Variants in TANGO6 observed in about 807,000 individuals in gnomAD.
The protein encoded by TANGO6 is transport and golgi organization 6 homolog, also known as transport and Golgi organization protein 6 homolog.
In TANGO6, 90 loss-of-function variants were observed where a neutral mutation model predicts 114.2. The observed-to-expected ratio is 0.79, with a 90% CI of 0.66 to 0.94. The LOEUF (loss-of-function observed/expected upper bound fraction) is 0.94. TANGO6 is among the 40% of genes least tolerant of loss of function. The pLI is 0.00. For missense variants in TANGO6, 1,274 were observed against 1,315.3 expected, an observed-to-expected ratio of 0.97 and a Z score of 0.49; for synonymous variants, 477 against 509.8, an observed-to-expected ratio of 0.94 and a Z score of 0.87.
At chr16:69,051,709 CCAGG>C (rs1293503631) in intron 17 of TANGO6, among the ~76,000 whole-genome samples, 4 of 150,882 alleles carry the variant, frequency 2.7e-5, no homozygotes, top group African/African-American at 9.7e-5. Flanking sequence ...CAAAAATTAG[CCAGG>C]CATGCGCCTG....
chr16:68,915,192 A>AT (rs1491550955), intron 11 of TANGO6, among the ~76,000 whole-genome samples: 1 of 149,652 alleles, frequency 6.7e-6, no homozygotes, highest in Admixed American at 6.7e-5. Context: ...AAAAAAAAAA[A>AT]GTGGAGAGGA....
intron 1 of TANGO6, among the ~76,000 whole-genome samples, chr16:68,856,388 C>T (rs1200406715): frequency 3.9e-5 from 6 of 152,204 alleles, no homozygotes; most frequent in Admixed American, 3.9e-4. Flanking sequence ...AGATGAATCA[C>T]ACTGATTGAG....
At chr16:68,847,143 G>C (rs551812790) in intron 1 of TANGO6, among the ~76,000 whole-genome samples, 1 of 152,258 alleles carries the variant, frequency 6.6e-6, no homozygotes, top group South Asian at 2.1e-4. Context: ...GCCCACCTCA[G>C]CCTCCCAAAG....
At chr16:69,033,357 G>A (rs931435789) in intron 16 of TANGO6, among the ~76,000 whole-genome samples, 3 of 152,114 alleles carry the variant, frequency 2.0e-5, no homozygotes, top group East Asian at 1.9e-4. Flanking sequence ...ATTCTCCTTC[G>A]TGAGCATCTG....
intron 3 of TANGO6, 115 bp downstream of exon 3, chr16:68,863,176 T>A: frequency 1.8e-6 from 1 of 552,278 alleles, no homozygotes; most frequent in Non-Finnish European, 3.1e-6. Context: ...TAGTTGAGCC[T>A]TTTTTCATCT....
chr16:69,009,739 A>G (rs542433023), intron 15 of TANGO6, among the ~76,000 whole-genome samples: 38 of 152,156 alleles, frequency 2.5e-4, no homozygotes, highest in Non-Finnish European at 5.6e-4. Flanking sequence ...TTTTCAGAGT[A>G]TATGTTGCAC....
At chr16:68,960,900 G>A (rs1349240481) in intron 14 of TANGO6, among the ~76,000 whole-genome samples, 1 of 152,180 alleles carries the variant, frequency 6.6e-6, no homozygotes, top group Non-Finnish European at 1.5e-5. Flanking sequence ...AGGTGTTTGA[G>A]AATCACTGGT....
At chr16:68,935,920 C>G (rs1314725248) in intron 14 of TANGO6, among the ~76,000 whole-genome samples, 1 of 152,158 alleles carries the variant, frequency 6.6e-6, no homozygotes, top group Non-Finnish European at 1.5e-5. Context: ...GTGACTCATG[C>G]CTGTAATCCC....
At chr16:68,990,369 A>T (rs1262770541) in intron 15 of TANGO6, among the ~76,000 whole-genome samples, 1 of 152,188 alleles carries the variant, frequency 6.6e-6, no homozygotes, top group Non-Finnish European at 1.5e-5. Context: ...AGGTAAAGAG[A>T]GAATGAGAAC....
Position 68,958,157 on chromosome 16 carries a change from G to A in TANGO6, c.2702-15871G>A, listed in dbSNP as rs553142450. 8.6e-5 allele frequency among the ~76,000 whole-genome samples: 13 copies of A among 150,902 alleles called. No individual in the cohort carries two copies. The South Asian group carries it at 2.3e-3, about 27-fold the overall frequency. On this transcript the variant is annotated intron_variant, in intron 14 of 17. Transcript: ENST00000261778. ...TTGCACTCCAGCCTGGGCAAGAAGA[G>A]GGAAACTCCATCTCAAAAAAAAAAA...
At chr16:69,070,746 A>ATAT (rs145226838) in intron 17 of TANGO6, among the ~76,000 whole-genome samples, 8,981 of 141,658 alleles carry the variant, frequency 0.063, 313 homozygotes, top group African/African-American at 0.094. Flanking sequence ...GCAAGAATCA[A>ATAT]TATTATTATT....
chr16:69,075,399 T>A (rs1960359417), intron 17 of TANGO6, among the ~76,000 whole-genome samples: 2 of 152,128 alleles, frequency 1.3e-5, no homozygotes, highest in African/African-American at 4.8e-5. Flanking sequence ...CACATGCATA[T>A]GTATTTCCTT....
chr16:69,010,787 G>A (rs1241957863), intron 15 of TANGO6, among the ~76,000 whole-genome samples: 1 of 152,062 alleles, frequency 6.6e-6, no homozygotes, highest in Admixed American at 6.6e-5. Context: ...AGTGCCGTAT[G>A]GCTTCCCTTG....
intron 17 of TANGO6, among the ~76,000 whole-genome samples, chr16:69,074,735 C>A (rs1271273332): frequency 6.6e-6 from 1 of 151,394 alleles, no homozygotes; most frequent in Non-Finnish European, 1.5e-5. Context: ...GGAATGCAGC[C>A]CAGCAAGTCT....
chr16:68,995,016 A>G (rs1379003946), intron 15 of TANGO6, among the ~76,000 whole-genome samples: 1 of 152,240 alleles, frequency 6.6e-6, no homozygotes, highest in Non-Finnish European at 1.5e-5. Flanking sequence ...CTGTCTCTTT[A>G]AAACATTCTT....
intron 15 of TANGO6, among the ~76,000 whole-genome samples, chr16:69,006,216 T>C (rs1311462888): frequency 6.6e-6 from 1 of 152,102 alleles, no homozygotes; most frequent in East Asian, 1.9e-4. Context: ...CCTCCTCTGT[T>C]TGAGGGGAGC....
At chr16:68,892,642 G>C (rs770331149) in intron 7 of TANGO6, among the ~76,000 whole-genome samples, 1 of 151,954 alleles carries the variant, frequency 6.6e-6, no homozygotes, top group Non-Finnish European at 1.5e-5. Flanking sequence ...AGCCTCCCGA[G>C]TAACTGGGAT....
chr16:69,029,337 A>G (rs144456808), intron 16 of TANGO6, among the ~76,000 whole-genome samples: 36 of 152,310 alleles, frequency 2.4e-4, no homozygotes, highest in Non-Finnish European at 4.4e-4. Context: ...CAGTTTCTTG[A>G]TCTAGAAAAT....
chr16:69,074,791 C>T (rs1005208401), intron 17 of TANGO6, among the ~76,000 whole-genome samples: 2 of 137,390 alleles, frequency 1.5e-5, no homozygotes, highest in African/African-American at 5.4e-5. Flanking sequence ...CACTCTGGTT[C>T]GAATGCCTGT....
Sources: allele counts gnomAD v4.1 joint callset (sites outside exome capture counted in the v4.1 genomes callset), GRCh38; gene constraint gnomAD v4.1.1; transcripts MANE v1.5; gene names NCBI Gene and HGNC (gene_info 2026-07-23, HGNC 2026-07-21).